The following RAB3B variants were observed in gnomAD, a reference collection of about 807,000 sequenced individuals.
The protein encoded by RAB3B is RAB3B, member RAS oncogene family.
In RAB3B, 11 loss-of-function variants were observed where a neutral mutation model predicts 20.5. The ratio of observed to expected loss-of-function variants is 0.54; its 90% CI spans 0.34 to 0.89. The LOEUF (loss-of-function observed/expected upper bound fraction) is 0.89, where lower values mean the gene tolerates loss of function less well. Among genes scored for constraint, RAB3B ranks in the 40% least tolerant of loss-of-function variants. The pLI is 0.02. For missense variants in RAB3B, 225 were observed against 280.9 expected (o/e 0.80, Z 1.42); for synonymous variants, 99 against 106.3 (o/e 0.93, Z 0.42).
chr1:51,943,506 C>T (rs1307075077), intron 2 of RAB3B, among the ~76,000 whole-genome samples: 1 of 152,180 alleles, frequency 6.6e-6, no homozygotes, highest in African/African-American at 2.4e-5. Flanking sequence ...AATAATTAAG[C>T]TTAGTGAGGA....
At position 51,919,772 on chromosome 1, in the gene RAB3B, C is replaced by A. The variant is rs930311803; in HGVS notation, c.*155G>T. On this transcript the variant is annotated 3_prime_UTR_variant, in exon 5 of 5. Coordinates refer to ENST00000371655, the MANE Select transcript of RAB3B (RefSeq NM_002867.4). ...ATTACTGGGACCATCTGCAGAGAACCCCAGGGGCAGGCAAAGAATAGCAGC... is the reference window on the plus strand; with the variant it reads ...ATTACTGGGACCATCTGCAGAGAACACCAGGGGCAGGCAAAGAATAGCAGC... 11 of 716,224 alleles carry A rather than the reference C, an allele frequency of 1.5e-5. No homozygotes were observed. The highest frequency in any genetic ancestry group is 6.5e-5 in the South Asian group (3 of 46,510). 44.4% of individuals were successfully genotyped at this position (716,224 alleles called of 1,614,324 possible).
At chr1:51,934,701 G>A (rs984572856) in intron 3 of RAB3B, among the ~76,000 whole-genome samples, 16 of 149,892 alleles carry the variant, frequency 1.1e-4, no homozygotes, top group South Asian at 4.2e-4. Context: ...GCGTGAACCC[G>A]GGAGGTGGAG....
At chr1:51,983,332 A>C (rs77514600) in intron 1 of RAB3B, among the ~76,000 whole-genome samples, 1 of 152,062 alleles carries the variant, frequency 6.6e-6, no homozygotes, top group Admixed American at 6.5e-5. Context: ...AAAAAAAAAA[A>C]CCATCATATT....
At chr1:51,954,939 C>T (rs1207367568) in intron 2 of RAB3B, among the ~76,000 whole-genome samples, 4 of 152,174 alleles carry the variant, frequency 2.6e-5, no homozygotes, top group South Asian at 2.1e-4. Flanking sequence ...GGTCAAGGTG[C>T]TTGGATGTCG....
rs374590776 is a variant in RAB3B, at chr1:51,920,470, ACCCTGTGCC to A, written c.473-365_473-357del. ...CAAGACAATGTATGTGAAATATATA[ACCCTGTGCC>A]TGACACAGAGGGGGTCATTAGTGTT... On this transcript the variant is annotated intron_variant, in intron 4 of 4. Coordinates refer to ENST00000371655, the MANE Select transcript of RAB3B (RefSeq NM_002867.4). Among the ~76,000 whole-genome samples the A allele has an allele frequency of 3.7e-3, 558 of 152,328 alleles. 2 individuals are homozygous for A. Among genetic ancestry groups the A allele is most frequent in the African/African-American group, 0.013 (532 of 41,572 alleles).
chr1:51,974,927 G>A (rs747398010), intron 2 of RAB3B, among the ~76,000 whole-genome samples: 3 of 152,188 alleles, frequency 2.0e-5, no homozygotes, highest in Non-Finnish European at 4.4e-5. Context: ...AATAACATAC[G>A]TTTTGGCTGG....
rs771379506 is a variant in RAB3B, at chr1:51,976,992, A to AT, written c.125dup (p.Tyr42Ter). The change falls in exon 2 of 5, where the codon TAT (tyrosine) becomes TAAT (stop). Residue 42 changes from tyrosine (Y) to a stop codon, truncating the protein, a stop_gained and frameshift_variant. Transcript: ENST00000371655. LOFTEE classifies it high-confidence loss of function. Reference protein sequence around the residue: ...SVGKTSFLFRYADDTFTPAFV... With the variant: ...SVGKTSFLFR ...AGGCTGGGGTGAACGTGTCATCAGC[A>AT]TAGCGGAAGAGGAAGGAGGTCTTGC... is the stretch of plus-strand genomic sequence containing the variant. 9.3e-6 allele frequency: 15 copies of AT among 1,614,128 alleles called. No homozygotes were observed. Among genetic ancestry groups the AT allele is most frequent in the Non-Finnish European group, 1.3e-5 (15 of 1,180,044 alleles).
chr1:51,986,474 G>A (rs1685153849), intron 1 of RAB3B, among the ~76,000 whole-genome samples: 1 of 152,100 alleles, frequency 6.6e-6, no homozygotes, highest in Non-Finnish European at 1.5e-5. Context: ...TTAGTCGGAT[G>A]TGGTGGTGTG....
chr1:51,924,860 T>C (rs972221302), intron 4 of RAB3B, among the ~76,000 whole-genome samples: 11 of 152,310 alleles, frequency 7.2e-5, no homozygotes, highest in Admixed American at 3.3e-4. Context: ...TTTTAGGAGC[T>C]GAGAATCTAG....
chr1:51,938,266 G>A (rs1361433716), intron 2 of RAB3B, among the ~76,000 whole-genome samples: 2 of 151,900 alleles, frequency 1.3e-5, no homozygotes, highest in Non-Finnish European at 2.9e-5. Flanking sequence ...GCCTTTCTGG[G>A]AATCAATTTG....
At chr1:51,964,023 T>A (rs1684815798) in intron 2 of RAB3B, among the ~76,000 whole-genome samples, 1 of 152,178 alleles carries the variant, frequency 6.6e-6, no homozygotes, top group Admixed American at 6.6e-5. Flanking sequence ...CTCTTCTGAT[T>A]CACTTCCCCA....
chr1:51,980,217 C>G (rs1685068653), intron 1 of RAB3B, among the ~76,000 whole-genome samples: 1 of 152,032 alleles, frequency 6.6e-6, no homozygotes, highest in Non-Finnish European at 1.5e-5. Flanking sequence ...TGGCTTCAGG[C>G]CAGGAGTTCA....
chr1:51,947,815 T>C (rs1475098978), intron 2 of RAB3B, among the ~76,000 whole-genome samples: 1 of 152,104 alleles, frequency 6.6e-6, no homozygotes, highest in African/African-American at 2.4e-5. Context: ...TTAGAAGTCA[T>C]TCAATCCATC....
At chr1:51,977,178 CCTT>C in intron 1 of RAB3B, 61 bp from the exon 2 acceptor site, 1 of 1,270,872 alleles carries the variant, frequency 7.9e-7, no homozygotes, top group Non-Finnish European at 1.1e-6. Context: ...GAGTCACCAT[CCTT>C]CTAATGGTCA....
chr1:51,974,289 C>T (rs1234300643), intron 2 of RAB3B, among the ~76,000 whole-genome samples: 2 of 152,208 alleles, frequency 1.3e-5, no homozygotes, highest in East Asian at 3.8e-4. Context: ...TGTTGACTTT[C>T]ACCTCAAGCT....
chr1:51,976,902 T>C lies in RAB3B; in HGVS notation c.216A>G (p.Lys72=), dbSNP rs1685016503. The change falls in exon 2 of 5, where the codon AAA becomes AAG. Residue 72 remains lysine (K), a synonymous_variant. Coordinates refer to ENST00000371655, the MANE Select transcript of RAB3B (RefSeq NM_002867.4). ...TCCCGGGACTCACCCAGATCTGCAGTTTCACCCGCTTCTCGTGACGGTAGA... is the reference window on the plus strand; with the variant it reads ...TCCCGGGACTCACCCAGATCTGCAGCTTCACCCGCTTCTCGTGACGGTAGA... ...KTVYRHEKRV[K]LQIWDTAGQE... is the part of the protein sequence containing the mutation. 3.1e-6 allele frequency: 5 copies of C among 1,613,876 alleles called. No individual in the cohort carries two copies. Among genetic ancestry groups the C allele is most frequent in the South Asian group, 2.2e-5 (2 of 91,064 alleles).
intron 1 of RAB3B, chr1:51,980,682 G>C (rs1024363903): frequency 1.3e-6 from 1 of 756,688 alleles, no homozygotes; most frequent in Non-Finnish European, 2.4e-6. Flanking sequence ...AGTATGTGAA[G>C]CTACATTACT....
intron 4 of RAB3B, among the ~76,000 whole-genome samples, chr1:51,922,075 G>A (rs1028985541): frequency 2.6e-5 from 4 of 152,188 alleles, no homozygotes; most frequent in Non-Finnish European, 5.9e-5. Context: ...GTGGACATGT[G>A]ATGAAGAAGG....
intron 2 of RAB3B, among the ~76,000 whole-genome samples, chr1:51,958,592 G>A (rs747100742): frequency 2.6e-5 from 4 of 152,134 alleles, no homozygotes; most frequent in Non-Finnish European, 5.9e-5. Context: ...GCGTGGAGGC[G>A]CATGCCTGTA....
Sources: gnomAD v4.1 joint callset for allele counts (sites outside exome capture counted in the v4.1 genomes callset) on GRCh38, gnomAD v4.1.1 for gene constraint, MANE v1.5 for transcripts, NCBI Gene and HGNC (gene_info 2026-07-23, HGNC 2026-07-21) for gene names.